Variants in STX17 observed in about 807,000 individuals in gnomAD.
The protein encoded by STX17 is syntaxin-17.
In STX17, 29 loss-of-function variants were observed where a neutral mutation model predicts 35.9. The ratio of observed to expected loss-of-function variants is 0.81; its 90% CI spans 0.60 to 1.10. The LOEUF (loss-of-function observed/expected upper bound fraction) is 1.10. Among genes scored for constraint, STX17 ranks in the 50% least tolerant of loss-of-function variants. The pLI is 0.00. For synonymous variants in STX17, 92 were observed against 118.3 expected (o/e 0.78, Z 1.44); for missense variants, 312 against 352.3 (o/e 0.89, Z 0.92).
intron 1 of STX17, among the ~76,000 whole-genome samples, chr9:99,910,292 A>G (rs1226121129): frequency 6.6e-6 from 1 of 152,110 alleles, no homozygotes; most frequent in Non-Finnish European, 1.5e-5. Flanking sequence ...CCACCCTGTT[A>G]GTAATTTAAG....
At chr9:99,953,496 T>C (rs539716727) in intron 4 of STX17, among the ~76,000 whole-genome samples, 1 of 152,088 alleles carries the variant, frequency 6.6e-6, no homozygotes, top group African/African-American at 2.4e-5. Flanking sequence ...AATTACCGTT[T>C]CATTATTCTG....
intron 2 of STX17, among the ~76,000 whole-genome samples, chr9:99,917,581 T>C (rs1828800361): frequency 6.6e-6 from 1 of 152,238 alleles, no homozygotes; most frequent in Non-Finnish European, 1.5e-5. Flanking sequence ...ATGAGCATAG[T>C]GTGCTGTGGA....
chr9:99,968,683 T>A lies in STX17; in HGVS notation c.*10T>A, dbSNP rs768534022. ...CAAGAAATGCAGTTAAAAACCAAAT[T>A]TCAGTATTATTGGTGCCAACATGTC... On this transcript the variant is annotated 3_prime_UTR_variant, in exon 8 of 8. Coordinates refer to ENST00000259400, the MANE Select transcript of STX17 (RefSeq NM_017919.3). 2.9e-5 allele frequency: 46 copies of A among 1,609,848 alleles called. No homozygotes were observed. The highest frequency in any genetic ancestry group is 2.8e-4 in the Admixed American group (17 of 59,782).
intron 3 of STX17, among the ~76,000 whole-genome samples, chr9:99,943,457 G>A (rs764074277): frequency 8.5e-5 from 13 of 152,074 alleles, no homozygotes; most frequent in Non-Finnish European, 1.5e-4. Flanking sequence ...ACAGGTGTGC[G>A]CCACCACGCC....
chr9:99,943,735 A>T (rs1829417426), intron 3 of STX17, among the ~76,000 whole-genome samples: 1 of 152,186 alleles, frequency 6.6e-6, no homozygotes, highest in Non-Finnish European at 1.5e-5. Context: ...TTAGGATTTT[A>T]AAATCTTGTT....
chr9:99,946,183 T>A (rs1386343082), intron 3 of STX17, among the ~76,000 whole-genome samples: 2 of 152,174 alleles, frequency 1.3e-5, no homozygotes, highest in East Asian at 3.9e-4. Context: ...TATAACAATT[T>A]ATATAGTATT....
intron 3 of STX17, among the ~76,000 whole-genome samples, chr9:99,949,376 A>G (rs1309134994): frequency 6.6e-6 from 1 of 151,812 alleles, no homozygotes; most frequent in African/African-American, 2.4e-5. Context: ...TTTTTTTTCT[A>G]GAATTGACTT....
At chr9:99,921,683 C>T (rs1232459282) in intron 2 of STX17, among the ~76,000 whole-genome samples, 1 of 151,320 alleles carries the variant, frequency 6.6e-6, no homozygotes, top group Non-Finnish European at 1.5e-5. Context: ...TTTAAATATA[C>T]TTTCTTTTGT....
At chr9:99,919,850 G>T (rs1391612312) in intron 2 of STX17, among the ~76,000 whole-genome samples, 1 of 152,190 alleles carries the variant, frequency 6.6e-6, no homozygotes, top group Non-Finnish European at 1.5e-5. Context: ...GTCAAAAAAT[G>T]ATAAGAGGCA....
intron 2 of STX17, chr9:99,915,935 C>T (rs1353143398): frequency 1.2e-5 from 5 of 429,476 alleles, no homozygotes; most frequent in Middle Eastern, 3.4e-4. Flanking sequence ...TGATGGTGCA[C>T]TATAATGTAA....
intron 3 of STX17, among the ~76,000 whole-genome samples, chr9:99,931,423 G>A (rs147207031): frequency 2.2e-4 from 33 of 151,442 alleles, no homozygotes; most frequent in African/African-American, 7.5e-4. Flanking sequence ...AAATTCATGT[G>A]CTTTAGTTCT....
chr9:99,932,892 C>T (rs777831744), intron 3 of STX17, among the ~76,000 whole-genome samples: 7 of 152,182 alleles, frequency 4.6e-5, no homozygotes, highest in East Asian at 1.9e-4. Flanking sequence ...ATTAGATTTA[C>T]GTAGTAAGAG....
chr9:99,919,725 A>G (rs1828853500), intron 2 of STX17, among the ~76,000 whole-genome samples: 1 of 152,148 alleles, frequency 6.6e-6, no homozygotes, highest in African/African-American at 2.4e-5. Context: ...GCTTTTCGTA[A>G]ATATTTATTG....
chr9:99,937,775 C>T (rs1215182187), intron 3 of STX17: 1 of 151,936 alleles, frequency 6.6e-6, no homozygotes, highest in Non-Finnish European at 1.5e-5. Flanking sequence ...TTCTTTGTGT[C>T]TAGTGATATT....
At chr9:99,960,368 C>T (rs891525621) in intron 6 of STX17, among the ~76,000 whole-genome samples, 1 of 152,000 alleles carries the variant, frequency 6.6e-6, no homozygotes, top group African/African-American at 2.4e-5. Context: ...GTGTTAGATG[C>T]TTAACATTGA....
At chr9:99,921,266 C>G (rs1334044581) in intron 2 of STX17, among the ~76,000 whole-genome samples, 1 of 152,124 alleles carries the variant, frequency 6.6e-6, no homozygotes, top group Non-Finnish European at 1.5e-5. Context: ...AGAAGCCACT[C>G]TATACTGACA....
At chr9:99,937,485 C>T (rs1829260261) in intron 3 of STX17, among the ~76,000 whole-genome samples, 1 of 152,044 alleles carries the variant, frequency 6.6e-6, no homozygotes, top group East Asian at 1.9e-4. Context: ...TGTCTATTGC[C>T]ATGCCTTTAT....
chr9:99,912,056 G>C (rs188523656), intron 1 of STX17, among the ~76,000 whole-genome samples: 16 of 152,048 alleles, frequency 1.1e-4, no homozygotes, highest in African/African-American at 3.9e-4. Context: ...GCAAAATCCC[G>C]TCTCTACTAA....
At chr9:99,924,176 A>G (rs1452830857) in intron 2 of STX17, among the ~76,000 whole-genome samples, 1 of 151,810 alleles carries the variant, frequency 6.6e-6, no homozygotes, top group African/African-American at 2.4e-5. Flanking sequence ...ATGGGGCAGG[A>G]CCCCCTCTGG....
Sources: gnomAD v4.1 joint callset for allele counts (sites outside exome capture counted in the v4.1 genomes callset) on GRCh38, gnomAD v4.1.1 for gene constraint, MANE v1.5 for transcripts, NCBI Gene and HGNC (gene_info 2026-07-23, HGNC 2026-07-21) for gene names.